CTDSP2: variants seen among roughly 807,000 people sequenced by gnomAD.
The protein encoded by CTDSP2 is CTD small phosphatase 2, also known as carboxy-terminal domain RNA polymerase II polypeptide A small phosphatase 2.
A neutral mutation model predicts 31.6 loss-of-function variants in CTDSP2; 9 were observed. That is an observed-to-expected ratio of 0.28 (90% CI 0.17 to 0.50). The LOEUF is 0.50. Among genes scored for constraint, CTDSP2 ranks in the 20% least tolerant of loss-of-function variants. CTDSP2 has a pLI of 0.98. For missense variants in CTDSP2, 267 were observed against 348.5 expected (o/e 0.77, Z 1.86); for synonymous variants, 134 against 134.5 (o/e 1.00, Z 0.03).
chr12:57,826,286 G>T (rs1956181985), intron 5 of CTDSP2, 60 bp downstream of exon 5: 1 of 1,505,656 alleles, frequency 6.6e-7, no homozygotes, highest in Non-Finnish European at 9.2e-7. Context: ...CCCAGTACAG[G>T]TGAGGCAGAA....
intron 1 of CTDSP2, among the ~76,000 whole-genome samples, chr12:57,837,811 C>T (rs949931829): frequency 4.6e-5 from 7 of 152,326 alleles, no homozygotes; most frequent in East Asian, 1.9e-4. Context: ...TGGGGCAGCT[C>T]TACCTAAGCC....
intron 1 of CTDSP2, 69 bp downstream of exon 1, chr12:57,846,303 G>T: frequency 2.1e-6 from 3 of 1,451,606 alleles, no homozygotes; most frequent in Non-Finnish European, 2.8e-6. Flanking sequence ...CGAGACCTGG[G>T]TTCGGGGCTG....
intron 1 of CTDSP2, chr12:57,837,235 A>C (rs1956253345): frequency 6.6e-6 from 1 of 152,368 alleles, no homozygotes; most frequent in African/African-American, 2.4e-5. Flanking sequence ...AGGGAACAAA[A>C]GAGGGTGAGA....
intron 1 of CTDSP2, among the ~76,000 whole-genome samples, chr12:57,841,979 A>G (rs1324263771): frequency 2.0e-5 from 3 of 152,192 alleles, no homozygotes; most frequent in Admixed American, 2.0e-4. Flanking sequence ...GCCTGAAGCA[A>G]TTTTGCTTCA....
At chr12:57,833,886 C>T (rs181316646) in intron 1 of CTDSP2, among the ~76,000 whole-genome samples, 86 of 152,320 alleles carry the variant, frequency 5.6e-4, no homozygotes, top group Non-Finnish European at 9.0e-4. Context: ...GCCAGGTCTG[C>T]GTTAGACACT....
At chr12:57,833,427 T>C (rs1168847540) in intron 1 of CTDSP2, among the ~76,000 whole-genome samples, 1 of 152,206 alleles carries the variant, frequency 6.6e-6, no homozygotes, top group African/African-American at 2.4e-5. Flanking sequence ...GCAAGGTCAA[T>C]ACCTCAGGCA....
chr12:57,829,322 G>GC, intron 2 of CTDSP2, 126 bp downstream of exon 2: 1 of 1,070,594 alleles, frequency 9.3e-7, no homozygotes, highest in Non-Finnish European at 1.4e-6. Flanking sequence ...TGGAGGAAGG[G>GC]CCCCCTCTCA....
At chr12:57,828,217 C>T (rs537339006) in intron 2 of CTDSP2, among the ~76,000 whole-genome samples, 6 of 152,002 alleles carry the variant, frequency 3.9e-5, no homozygotes, top group Admixed American at 6.6e-5. Context: ...GTCAGGAGTT[C>T]GAGACCAGCC....
chr12:57,845,259 C>T lies in CTDSP2; in HGVS notation c.64+1113G>A, dbSNP rs928860075. 7.2e-5 allele frequency among the ~76,000 whole-genome samples: 11 copies of T among 152,214 alleles called. 1 individual carries two copies. The highest frequency in any genetic ancestry group is 2.4e-4 in the African/African-American group (10 of 41,454). ...CGGGGGGCTCTCTAGAGAAACGCCA[C>T]ACTCGTCCTTACACCCCGCGGAAAA... On this transcript the variant is annotated intron_variant, in intron 1 of 7. Coordinates refer to ENST00000398073, the MANE Select transcript of CTDSP2 (RefSeq NM_005730.4).
At chr12:57,839,464 A>G (rs1956268050) in intron 1 of CTDSP2, among the ~76,000 whole-genome samples, 1 of 152,216 alleles carries the variant, frequency 6.6e-6, no homozygotes, top group Non-Finnish European at 1.5e-5. Context: ...CAAGCCTGTA[A>G]TCCCAGCACT....
chr12:57,845,292 C>G (rs1380193847), intron 1 of CTDSP2: 1 of 152,270 alleles, frequency 6.6e-6, no homozygotes, highest in South Asian at 2.1e-4. Context: ...AAATCTGCCG[C>G]TATTTTGGAC....
chr12:57,842,228 G>A (rs1430299287), intron 1 of CTDSP2: 1 of 152,096 alleles, frequency 6.6e-6, no homozygotes, highest in Admixed American at 6.5e-5. Flanking sequence ...TCTTTTCCAT[G>A]CTTATTTACA....
chr12:57,840,815 C>T (rs1019219594), intron 1 of CTDSP2, among the ~76,000 whole-genome samples: 1 of 152,080 alleles, frequency 6.6e-6, no homozygotes, highest in African/African-American at 2.4e-5. Flanking sequence ...AATGTCAGAT[C>T]CACTCAGAGA....
intron 1 of CTDSP2, among the ~76,000 whole-genome samples, chr12:57,835,891 C>G (rs1449710572): frequency 6.6e-6 from 1 of 152,228 alleles, no homozygotes; most frequent in Non-Finnish European, 1.5e-5. Flanking sequence ...CCTTTTGGAG[C>G]CTTAGTTTCC....
chr12:57,834,891 G>C (rs1956237051), intron 1 of CTDSP2, among the ~76,000 whole-genome samples: 1 of 152,200 alleles, frequency 6.6e-6, no homozygotes, highest in Non-Finnish European at 1.5e-5. Flanking sequence ...GGGAGGCCGA[G>C]GCGGGCGGAT....
intron 1 of CTDSP2, among the ~76,000 whole-genome samples, chr12:57,844,496 A>G (rs747428048): frequency 6.6e-6 from 1 of 152,198 alleles, no homozygotes; most frequent in Non-Finnish European, 1.5e-5. Context: ...CAAGAGAGGA[A>G]GACCTAGTGG....
intron 1 of CTDSP2, 44 bp downstream of exon 1, chr12:57,846,328 G>A (rs1299783897): frequency 1.9e-6 from 3 of 1,563,798 alleles, no homozygotes; most frequent in African/African-American, 1.4e-5. Flanking sequence ...AGCCCCCTCC[G>A]CGCCCGGGGG....
rs754274107 is a variant in CTDSP2 at position 57,826,326 on chromosome 12, T to C, written c.411+20A>G. On this transcript the variant is annotated intron_variant, in intron 5 of 7. Coordinates refer to ENST00000398073, the MANE Select transcript of CTDSP2 (RefSeq NM_005730.4). Reference sequence around the variant, plus strand: ...GACCCCCCACCCTCTGGGCTGGGTGTGGTCTGGCTGGCAGCTCACCTGGTG... The same window carrying C: ...GACCCCCCACCCTCTGGGCTGGGTGCGGTCTGGCTGGCAGCTCACCTGGTG... 8 of 1,612,726 alleles carry C rather than the reference T, an allele frequency of 5.0e-6. No individual in the cohort carries two copies. The South Asian group carries it at 7.7e-5, about 15-fold the overall frequency.
chr12:57,826,239 A>T, intron 5 of CTDSP2, 107 bp downstream of exon 5: 1 of 783,590 alleles, frequency 1.3e-6, no homozygotes, highest in Non-Finnish European at 2.0e-6. Context: ...AAAAGGGATC[A>T]ACTGACAGAA....
Sources: gnomAD v4.1 joint callset for allele counts (sites outside exome capture counted in the v4.1 genomes callset) on GRCh38, gnomAD v4.1.1 for gene constraint, MANE v1.5 for transcripts, NCBI Gene and HGNC (gene_info 2026-07-23, HGNC 2026-07-21) for gene names.